Variants in DNAH9 observed in about 807,000 individuals in gnomAD.
DNAH9 encodes the protein DNAH9 variant protein.
Under a neutral mutation model 471.6 loss-of-function variants are expected in DNAH9, and 345 were observed. The ratio of observed to expected loss-of-function variants is 0.73; its 90% CI spans 0.67 to 0.80. The LOEUF is 0.80. DNAH9 is among the 30% of genes least tolerant of loss of function. DNAH9 has a pLI of 0.00. For missense variants in DNAH9, 5,407 were observed against 5,609.2 expected (o/e 0.96, Z 1.15); for synonymous variants, 2,093 against 2,123.6 (o/e 0.99, Z 0.40).
At position 11,610,450 on chromosome 17, in the gene DNAH9, A is replaced by G; in HGVS notation, c.669A>G (p.Lys223=). The G allele has an allele frequency of 6.2e-7, 1 of 1,613,920 alleles. No individual in the cohort carries two copies. Among genetic ancestry groups the G allele is most frequent in the Non-Finnish European group, 8.5e-7 (1 of 1,179,896 alleles). Residue 223 remains lysine, a synonymous_variant, in exon 3 of 69, where the codon AAA becomes AAG. Coordinates refer to ENST00000262442, the MANE Select transcript of DNAH9 (RefSeq NM_001372.4). ...VIYAIESAVI[K]WSYQVQVVLK... is the part of the protein sequence containing the mutation. ...ATGCCATTGAGTCTGCAGTGATCAA[A>G]TGGAGCTACCAAGTCCAGGTGGTAC...
intron 38 of DNAH9, among the ~76,000 whole-genome samples, chr17:11,778,346 AAAAAAAAAAAAAAAAAG>A (rs1968533493): frequency 7.3e-6 from 1 of 137,620 alleles, no homozygotes; most frequent in South Asian, 2.2e-4. Flanking sequence ...AAAAAAAAAA[AAAAAAAAAAAAAAAAAG>A]AAAAGGGAAG....
In DNAH9 at chr17:11,739,040, G is replaced by A; in HGVS notation, c.5972+3G>A. ...GAGAATCTCAAGTCTCTCTTCAGGT[G>A]AGTGTCAGTTCTGCCCCATGCAAAA... On this transcript the variant is annotated splice_donor_region_variant and intron_variant, in intron 29 of 68. Transcript: ENST00000262442. 4.3e-6 allele frequency: 7 copies of A among 1,612,162 alleles called. No individual in the cohort carries two copies. Among genetic ancestry groups the A allele is most frequent in the Non-Finnish European group, 5.9e-6 (7 of 1,178,472 alleles).
chr17:11,756,631 A>G lies in DNAH9; in HGVS notation c.6802A>G (p.Ile2268Val), dbSNP rs2150858415. Residue 2268 changes from isoleucine to valine, a missense_variant, in exon 34 of 69, where the codon ATC (isoleucine) becomes GTC (valine). Transcript: ENST00000262442. ...CCCCACCATGAAGCTCCTCTTTGAGATCAGCCACCTGCGCACAGCCACTCC... is the reference window on the plus strand; with the variant it reads ...CCCCACCATGAAGCTCCTCTTTGAGGTCAGCCACCTGCGCACAGCCACTCC... ...LNPTMKLLFEISHLRTATPAT... is the reference protein window; with the variant it reads ...LNPTMKLLFEVSHLRTATPAT... 1 of 1,613,940 alleles carries G rather than the reference A, an allele frequency of 6.2e-7. No individual in the cohort carries two copies.
intron 59 of DNAH9, among the ~76,000 whole-genome samples, chr17:11,896,293 C>G (rs1396160913): frequency 6.6e-6 from 1 of 151,764 alleles, no homozygotes; most frequent in African/African-American, 2.4e-5. Context: ...ACAGTTCACT[C>G]CATAACAATT....
chr17:11,942,260 A>C (rs1365904303), intron 66 of DNAH9, 43 bp from the exon 67 acceptor site: 1 of 1,597,668 alleles, frequency 6.3e-7, no homozygotes, highest in African/African-American at 1.3e-5. Context: ...CCTTCTGGAG[A>C]ATAGAGCCCT....
chr17:11,628,155 G>A (rs891242118), intron 6 of DNAH9, among the ~76,000 whole-genome samples: 1 of 152,190 alleles, frequency 6.6e-6, no homozygotes, highest in African/African-American at 2.4e-5. Context: ...ACACAAATTG[G>A]AAGTCATGAC....
intron 27 of DNAH9, among the ~76,000 whole-genome samples, chr17:11,720,941 C>T (rs997232430): frequency 1.3e-5 from 2 of 152,118 alleles, no homozygotes; most frequent in African/African-American, 4.8e-5. Flanking sequence ...TAGAAATGAC[C>T]TCAGCCTTAG....
chr17:11,763,971 G>A (rs774091878), intron 36 of DNAH9, among the ~76,000 whole-genome samples: 2 of 152,144 alleles, frequency 1.3e-5, no homozygotes, highest in African/African-American at 4.8e-5. Flanking sequence ...AGGCTGTGCC[G>A]TGGAAGCTTG....
chr17:11,786,267 A>G (rs546479146), intron 41 of DNAH9, among the ~76,000 whole-genome samples: 1 of 152,220 alleles, frequency 6.6e-6, no homozygotes, highest in Admixed American at 6.5e-5. Flanking sequence ...ACCCTTTGGG[A>G]TAGACATTGT....
chr17:11,849,953 A>G (rs1190018777), intron 49 of DNAH9, among the ~76,000 whole-genome samples: 3 of 151,992 alleles, frequency 2.0e-5, no homozygotes, highest in Non-Finnish European at 4.4e-5. Flanking sequence ...TGCTCTTCCT[A>G]TGCCAGGCAC....
In DNAH9 at chr17:11,883,627, GA is replaced by G; in HGVS notation, c.10852del (p.Thr3618ArgfsTer27). On this transcript the variant is annotated frameshift_variant, in exon 56 of 69. Transcript: ENST00000262442. LOFTEE classifies it high-confidence loss of function. ...AGCAGAATGGATTCAAAATTACCCT[GA>G]AAACGTTGGAAGACAGTCTTCTCTC... is the stretch of plus-strand genomic sequence containing the variant. ...KQQNGFKITLKTLEDSLLSRL... is the reference protein window; with the variant it reads ...KQQNGFKITLXTLEDSLLSRL... The G allele has an allele frequency of 6.2e-7, 1 of 1,614,112 alleles. No homozygotes were observed. The highest frequency in any genetic ancestry group is 8.5e-7 in the Non-Finnish European group (1 of 1,180,018).
intron 61 of DNAH9, among the ~76,000 whole-genome samples, chr17:11,914,303 C>T (rs973315303): frequency 1.3e-5 from 2 of 152,092 alleles, no homozygotes; most frequent in South Asian, 4.1e-4. Context: ...CCTTTTTATT[C>T]GTTCTCTATA....
chr17:11,934,506 C>T (rs539347135), intron 65 of DNAH9, among the ~76,000 whole-genome samples: 2 of 130,304 alleles, frequency 1.5e-5, no homozygotes, highest in Admixed American at 9.2e-5. Flanking sequence ...AGTGCAGTGG[C>T]GCTATCTCTG....
intron 67 of DNAH9, among the ~76,000 whole-genome samples, chr17:11,952,527 T>C (rs76556764): frequency 0.013 from 1,974 of 152,154 alleles, 21 homozygotes; most frequent in Non-Finnish European, 0.019. Flanking sequence ...GTGGCTATCA[T>C]ATGAGACACT....
At chr17:11,848,843 C>CT (rs928462507) in intron 49 of DNAH9, among the ~76,000 whole-genome samples, 1,551 of 146,422 alleles carry the variant, frequency 0.011, 22 homozygotes, top group African/African-American at 0.03. Flanking sequence ...TCTCACACCT[C>CT]TTTTTTTTTT....
rs549778139 is a variant in DNAH9, at chr17:11,934,493, T to G, written c.12489+422T>G. The stretch of plus-strand genomic sequence containing the variant: ...TGGAGTCTTGCTCTGGCGCCCAGGC[T>G]GGAGTGCAGTGGCGCTATCTCTGCT... On this transcript the variant is annotated intron_variant, in intron 65 of 68. Coordinates refer to ENST00000262442, the MANE Select transcript of DNAH9 (RefSeq NM_001372.4). Among the ~76,000 whole-genome samples the G allele has an allele frequency of 6.2e-4, 84 of 135,226 alleles. 1 individual carries two copies. Among genetic ancestry groups the G allele is most frequent in the African/African-American group, 2.1e-3 (79 of 36,892 alleles). The allele number at this position is 135,226 out of a possible 152,430, so 88.7% of individuals were successfully genotyped here.
chr17:11,680,132 C>G (rs1462937181), intron 18 of DNAH9, among the ~76,000 whole-genome samples, 153 bp downstream of exon 18: 1 of 152,040 alleles, frequency 6.6e-6, no homozygotes, highest in African/African-American at 2.4e-5. Context: ...TTTGTAACAT[C>G]TAGCAAATTC....
chr17:11,733,317 G>A (rs553536395), intron 28 of DNAH9, among the ~76,000 whole-genome samples: 4 of 152,198 alleles, frequency 2.6e-5, no homozygotes, highest in Non-Finnish European at 5.9e-5. Context: ...CCTCCTTAAA[G>A]TATGTCACCT....
chr17:11,834,348 AAG>A (rs1555605957), intron 48 of DNAH9, among the ~76,000 whole-genome samples: 15 of 140,590 alleles, frequency 1.1e-4, no homozygotes, highest in South Asian at 5.0e-4. Context: ...AAAAAAAAAA[AAG>A]AAGAAGAAGA....
Sources: gnomAD v4.1 joint callset for allele counts (sites outside exome capture counted in the v4.1 genomes callset) on GRCh38, gnomAD v4.1.1 for gene constraint, MANE v1.5 for transcripts, NCBI Gene and HGNC (gene_info 2026-07-23, HGNC 2026-07-21) for gene names.